The following FAM171B variants were observed in gnomAD, a reference collection of about 807,000 sequenced individuals.
FAM171B encodes the protein family with sequence similarity 171 member B.
FAM171B carries 19 observed loss-of-function variants against 75.6 expected under a neutral mutation model. The ratio of observed to expected loss-of-function variants is 0.25; its 90% CI spans 0.18 to 0.37. The LOEUF is 0.37. FAM171B is among the 10% of genes least tolerant of loss of function. The pLI is 1.00. For synonymous variants in FAM171B, 367 were observed against 361.7 expected (o/e 1.01, Z -0.17); for missense variants, 848 against 982.4 (o/e 0.86, Z 1.83).
At chr2:186,721,602 G>A (rs1689955043) in intron 1 of FAM171B, among the ~76,000 whole-genome samples, 1 of 152,032 alleles carries the variant, frequency 6.6e-6, no homozygotes, top group African/African-American at 2.4e-5. Context: ...AACATTGTTA[G>A]CCAGAATAAT....
intron 4 of FAM171B, 115 bp from the exon 5 acceptor site, chr2:186,751,019 A>G: frequency 1.4e-6 from 1 of 733,494 alleles, no homozygotes; most frequent in Non-Finnish European, 2.1e-6. Context: ...TCTATTTGAT[A>G]TTAAAATAGA....
intron 1 of FAM171B, among the ~76,000 whole-genome samples, chr2:186,736,647 T>C (rs1438800172): frequency 3.7e-5 from 2 of 54,596 alleles, no homozygotes; most frequent in East Asian, 3.8e-3. Flanking sequence ...GATCAGAGCT[T>C]TTTTTTTTTT....
chr2:186,717,574 T>C (rs1449097392), intron 1 of FAM171B, among the ~76,000 whole-genome samples: 1 of 152,102 alleles, frequency 6.6e-6, no homozygotes, highest in Non-Finnish European at 1.5e-5. Context: ...CACTTCTCTG[T>C]CTCCTTCTCT....
chr2:186,749,693 C>T (rs1181732424), intron 4 of FAM171B, among the ~76,000 whole-genome samples: 2 of 152,140 alleles, frequency 1.3e-5, no homozygotes, highest in African/African-American at 4.8e-5. Flanking sequence ...TCCACTCTTG[C>T]CTGTCTCCCC....
chr2:186,752,365 C>T (rs1263697448), intron 5 of FAM171B, among the ~76,000 whole-genome samples: 2 of 152,020 alleles, frequency 1.3e-5, no homozygotes, highest in East Asian at 1.9e-4. Context: ...AAAACACATA[C>T]GTTTTCACTA....
chr2:186,760,654 A>G (rs1195223416), intron 6 of FAM171B, among the ~76,000 whole-genome samples: 2 of 150,998 alleles, frequency 1.3e-5, no homozygotes, highest in African/African-American at 4.9e-5. Flanking sequence ...CTTCTGTCAT[A>G]TCCATTGCTG....
intron 6 of FAM171B, 28 bp from the exon 7 acceptor site, chr2:186,761,085 T>G (rs1450155928): frequency 6.3e-7 from 1 of 1,582,162 alleles, no homozygotes; most frequent in South Asian, 1.2e-5. Context: ...AAATAACATT[T>G]TCTCTTTGTT....
chr2:186,710,447 T>G (rs1469922427), intron 1 of FAM171B, among the ~76,000 whole-genome samples: 1 of 152,220 alleles, frequency 6.6e-6, no homozygotes, highest in Non-Finnish European at 1.5e-5. Context: ...TTCCACCACT[T>G]CTATACTCAT....
intron 1 of FAM171B, among the ~76,000 whole-genome samples, chr2:186,709,822 A>G (rs1403922193): frequency 6.6e-6 from 1 of 152,206 alleles, no homozygotes; most frequent in Non-Finnish European, 1.5e-5. Context: ...TATTCTGTTA[A>G]TTATTGTGGT....
intron 1 of FAM171B, among the ~76,000 whole-genome samples, chr2:186,737,461 T>G (rs4666713): frequency 0.34 from 52,184 of 152,032 alleles, 9,605 homozygotes; most frequent in East Asian, 0.76. Flanking sequence ...GGCTAAATCA[T>G]CCTTCCTTCT....
In FAM171B at chr2:186,761,907, A is replaced by G. The variant is rs1279239460; in HGVS notation, c.1565A>G (p.Tyr522Cys). ...TATCTCACAGGTAATGAGGAGGCGT[A>G]TGGGCGTTCCCATATTCCTGAACAG... ...KRYLTGNEEA[Y>C]GRSHIPEQLM... is the part of the protein sequence containing the mutation. The change falls in exon 8 of 8, where the codon TAT (tyrosine) becomes TGT (cysteine). Residue 522 changes from tyrosine to cysteine, a missense_variant. Around this residue, in one of 3 missense-constraint regions of FAM171B, gnomAD observed 665 missense variants for 729.0 expected, o/e 0.91. Coordinates refer to ENST00000304698, the MANE Select transcript of FAM171B (RefSeq NM_177454.4). 1.2e-6 allele frequency: 2 copies of G among 1,613,042 alleles called. No homozygotes were observed. The highest frequency in any genetic ancestry group is 1.7e-5 in the Admixed American group (1 of 59,840).
intron 1 of FAM171B, 105 bp from the exon 2 acceptor site, chr2:186,740,123 C>A: frequency 1.4e-6 from 1 of 728,640 alleles, no homozygotes; most frequent in Non-Finnish European, 2.2e-6. Flanking sequence ...CTAAGTTTAA[C>A]AACAGTTTTG....
At chr2:186,736,125 C>T (rs940207554) in intron 1 of FAM171B, among the ~76,000 whole-genome samples, 2 of 152,176 alleles carry the variant, frequency 1.3e-5, no homozygotes, top group African/African-American at 4.8e-5. Context: ...AATGGAACCT[C>T]ATTTTAAGGT....
Position 186,761,977 on chromosome 2 carries a change from T to G in FAM171B, c.1635T>G (p.Ser545=), listed in dbSNP as rs1243134122. 3 of 1,613,576 alleles carry G rather than the reference T, an allele frequency of 1.9e-6. No individual in the cohort carries two copies. Among genetic ancestry groups the G allele is most frequent in the South Asian group, 1.1e-5 (1 of 91,080 alleles). Residue 545 remains serine, a synonymous_variant, in exon 8 of 8, where the codon TCT becomes TCG. Coordinates refer to ENST00000304698, the MANE Select transcript of FAM171B (RefSeq NM_177454.4). ...AACCCATTGCCATCCTTCAAACATC[T>G]GACCTTTTCTCCACACCGGAACAAT... The part of the protein sequence containing the change: ...YSQPIAILQT[S]DLFSTPEQLH...
At chr2:186,722,277 G>GTC (rs1379007317) in intron 1 of FAM171B, among the ~76,000 whole-genome samples, 1 of 152,036 alleles carries the variant, frequency 6.6e-6, no homozygotes, top group Non-Finnish European at 1.5e-5. Context: ...TCTGTTCTAG[G>GTC]TATGACACAG....
chr2:186,740,674 C>T (rs1472264690), intron 2 of FAM171B, among the ~76,000 whole-genome samples: 2 of 152,134 alleles, frequency 1.3e-5, no homozygotes, highest in South Asian at 2.1e-4. Context: ...AGCTTGTAAA[C>T]AAGAGAAATT....
chr2:186,760,383 CCTTT>C (rs1260977359), intron 6 of FAM171B, among the ~76,000 whole-genome samples: 2 of 152,018 alleles, frequency 1.3e-5, no homozygotes, highest in African/African-American at 4.8e-5. Context: ...TTTGGTAAAT[CCTTT>C]TTTTGAATTT....
At position 186,761,717 on chromosome 2, in the gene FAM171B, G is replaced by A. The variant is rs1007273396; in HGVS notation, c.1375G>A (p.Asp459Asn). The A allele has an allele frequency of 2.2e-5, 35 of 1,612,854 alleles. No homozygotes were observed. The highest frequency in any genetic ancestry group is 2.8e-5 in the Non-Finnish European group (33 of 1,179,584). ...ERVSMVKTRD[D>N]FKIYNEDVSF... The stretch of plus-strand genomic sequence containing the variant: ...AGTTTCCATGGTAAAAACTCGGGAC[G>A]ATTTTAAAATCTACAATGAAGATGT... The change falls in exon 8 of 8, where the codon GAT (aspartate) becomes AAT (asparagine). Residue 459 changes from aspartate to asparagine, a missense_variant. Asp to Asn is a conservative substitution (Grantham distance 23). Transcript: ENST00000304698.
chr2:186,756,602 A>T (rs780918588), intron 6 of FAM171B, among the ~76,000 whole-genome samples: 4 of 152,150 alleles, frequency 2.6e-5, no homozygotes, highest in African/African-American at 7.2e-5. Flanking sequence ...ATGTCTCCAC[A>T]TGGCCTTTCC....
Sources: gnomAD v4.1 joint callset for allele counts (sites outside exome capture counted in the v4.1 genomes callset) on GRCh38, gnomAD v4.1.1 for gene constraint, gnomAD v4.1.1 regional missense constraint, MANE v1.5 for transcripts, NCBI Gene and HGNC (gene_info 2026-07-23, HGNC 2026-07-21) for gene names.